Variants in KCNMA1 observed in about 807,000 individuals in gnomAD.
KCNMA1 encodes potassium calcium-activated channel subfamily M alpha 1, also known as Calcium-activated potassium channel subunit alpha-1.
Under a neutral mutation model 140.0 loss-of-function variants are expected in KCNMA1, and 29 were observed. The ratio of observed to expected loss-of-function variants is 0.21; its 90% CI spans 0.15 to 0.28. The LOEUF (loss-of-function observed/expected upper bound fraction) is 0.28. Among genes scored for constraint, KCNMA1 ranks in the 10% least tolerant of loss-of-function variants. KCNMA1 has a pLI of 1.00. For synonymous variants in KCNMA1, 612 were observed against 611.9 expected (o/e 1.00, Z 0.00); for missense variants, 880 against 1,602.2 (o/e 0.55, Z 7.70).
chr10:77,248,744 G>A (rs974683240), intron 3 of KCNMA1, among the ~76,000 whole-genome samples: 2 of 151,776 alleles, frequency 1.3e-5, no homozygotes, highest in East Asian at 1.9e-4. Flanking sequence ...CACTAAGCTC[G>A]ATTATAATTT....
chr10:77,053,653 T>C (rs766618316), intron 14 of KCNMA1, among the ~76,000 whole-genome samples: 2 of 152,204 alleles, frequency 1.3e-5, no homozygotes, highest in Non-Finnish European at 2.9e-5. Flanking sequence ...TAGGGATGCC[T>C]TTATGCCACC....
chr10:77,218,859 GT>G (rs942340150), intron 3 of KCNMA1, among the ~76,000 whole-genome samples: 4 of 152,110 alleles, frequency 2.6e-5, no homozygotes, highest in Non-Finnish European at 5.9e-5. Flanking sequence ...GCTAATTTTT[GT>G]TTTTTGGGTA....
chr10:76,963,709 C>A (rs1307593683), intron 20 of KCNMA1, among the ~76,000 whole-genome samples: 1 of 152,224 alleles, frequency 6.6e-6, no homozygotes, highest in Non-Finnish European at 1.5e-5. Context: ...CTCTCTCTTG[C>A]TGACTTCTCT....
At chr10:77,246,471 G>C (rs1434952486) in intron 3 of KCNMA1, among the ~76,000 whole-genome samples, 2 of 152,160 alleles carry the variant, frequency 1.3e-5, no homozygotes, top group Non-Finnish European at 2.9e-5. Flanking sequence ...AGAATTTCTA[G>C]GCCAAGGGAT....
intron 3 of KCNMA1, among the ~76,000 whole-genome samples, chr10:77,236,148 G>C (rs1378367672): frequency 2.0e-5 from 3 of 152,058 alleles, no homozygotes; most frequent in Non-Finnish European, 4.4e-5. Context: ...CCGAGGCCCG[G>C]GCGAACTTTC....
chr10:77,270,467 A>C (rs1187999476), intron 2 of KCNMA1, among the ~76,000 whole-genome samples: 1 of 149,080 alleles, frequency 6.7e-6, no homozygotes, highest in Non-Finnish European at 1.5e-5. Context: ...TCTTTGTTCA[A>C]GCTCTCTTTC....
chr10:77,632,636 G>C (rs1201477048), intron 1 of KCNMA1, among the ~76,000 whole-genome samples: 1 of 152,124 alleles, frequency 6.6e-6, no homozygotes, highest in African/African-American at 2.4e-5. Context: ...GACTCTAAAT[G>C]GTTTTTTGAT....
At chr10:77,541,585 A>T (rs1285607210) in intron 1 of KCNMA1, among the ~76,000 whole-genome samples, 1 of 152,206 alleles carries the variant, frequency 6.6e-6, no homozygotes, top group African/African-American at 2.4e-5. Context: ...TATTGTTCTA[A>T]GTAACATTAC....
chr10:77,123,538 C>T (rs981529563), intron 5 of KCNMA1, among the ~76,000 whole-genome samples: 1 of 152,094 alleles, frequency 6.6e-6, no homozygotes, highest in Non-Finnish European at 1.5e-5. Flanking sequence ...TGAGCTAAAA[C>T]GACAAATGTA....
In KCNMA1 at chr10:77,011,993, C is replaced by G; in HGVS notation, c.2066G>C (p.Arg689Thr). Reference sequence around the variant, plus strand: ...CCGTTTGCAGCCACATTTTTTTATTCTTTTGGGATCTGTGATGTCATCATG... The same window carrying G: ...CCGTTTGCAGCCACATTTTTTTATTGTTTTGGGATCTGTGATGTCATCATG... ...ACHDDITDPK[R>T]IKKCGCKRPK... Residue 689 changes from arginine to threonine, a missense_variant, in exon 18 of 28, where the codon AGA becomes ACA. Around this residue, in one of 13 missense-constraint regions of KCNMA1, gnomAD observed 196 missense variants for 233.0 expected, o/e 0.84. Transcript: ENST00000286628. 1 of 1,613,790 alleles carries G rather than the reference C, an allele frequency of 6.2e-7. No homozygotes were observed. Among genetic ancestry groups the G allele is most frequent in the South Asian group, 1.1e-5 (1 of 91,068 alleles).
chr10:76,978,775 A>G (rs916500735), intron 19 of KCNMA1, among the ~76,000 whole-genome samples: 2 of 152,178 alleles, frequency 1.3e-5, no homozygotes, highest in Admixed American at 1.3e-4. Flanking sequence ...GCACCCTGGA[A>G]GGGCTCACAC....
intron 2 of KCNMA1, among the ~76,000 whole-genome samples, chr10:77,273,537 T>C (rs1484886332): frequency 1.3e-5 from 2 of 152,158 alleles, no homozygotes; most frequent in African/African-American, 4.8e-5. Context: ...GTTTGTGGAA[T>C]GGATATAAAA....
intron 2 of KCNMA1, among the ~76,000 whole-genome samples, chr10:77,342,791 G>C (rs1372541988): frequency 6.6e-6 from 1 of 152,194 alleles, no homozygotes; most frequent in African/African-American, 2.4e-5. Flanking sequence ...GCCCATCACG[G>C]GGTGGCACAT....
chr10:77,100,803 C>T (rs1463239705), intron 9 of KCNMA1, among the ~76,000 whole-genome samples: 1 of 152,094 alleles, frequency 6.6e-6, no homozygotes, highest in African/African-American at 2.4e-5. Context: ...ATCAAAGGAG[C>T]CATTGATCAG....
At chr10:77,012,519 C>A (rs1338245508) in intron 17 of KCNMA1, 2 of 1,550,228 alleles carry the variant, frequency 1.3e-6, no homozygotes, top group Non-Finnish European at 8.7e-7. Flanking sequence ...CTGAAAGCAC[C>A]TTTTCTGGGC....
intron 1 of KCNMA1, among the ~76,000 whole-genome samples, chr10:77,568,582 T>C (rs1224033171): frequency 6.6e-6 from 1 of 151,562 alleles, no homozygotes; most frequent in Admixed American, 6.6e-5. Flanking sequence ...ATGGGACGTA[T>C]CTCAAAATAA....
chr10:77,163,046 G>A (rs1446744341), intron 5 of KCNMA1, among the ~76,000 whole-genome samples: 1 of 152,058 alleles, frequency 6.6e-6, no homozygotes, highest in African/African-American at 2.4e-5. Flanking sequence ...CAAACATATG[G>A]ATAAATGAAT....
intron 3 of KCNMA1, among the ~76,000 whole-genome samples, chr10:77,227,703 C>T (rs1487602740): frequency 2.0e-5 from 3 of 152,258 alleles, no homozygotes; most frequent in South Asian, 4.1e-4. Flanking sequence ...CAGGCATTAA[C>T]GGTAAAGTTC....
At chr10:77,607,165 T>C (rs770071887) in intron 1 of KCNMA1, among the ~76,000 whole-genome samples, 1 of 152,152 alleles carries the variant, frequency 6.6e-6, no homozygotes, top group East Asian at 1.9e-4. Context: ...CTGAGTAGGA[T>C]GATTTGAGAC....
Sources: gnomAD v4.1 joint callset for allele counts (sites outside exome capture counted in the v4.1 genomes callset) on GRCh38, gnomAD v4.1.1 for gene constraint, gnomAD v4.1.1 regional missense constraint, MANE v1.5 for transcripts, NCBI Gene and HGNC (gene_info 2026-07-23, HGNC 2026-07-21) for gene names.